CHD5: variants seen among roughly 807,000 people sequenced by gnomAD.
CHD5 encodes ATP-dependent chromatin remodeler CHD5.
In CHD5, 69 loss-of-function variants were observed where a neutral mutation model predicts 230.3. That is an observed-to-expected ratio of 0.30 (90% CI 0.25 to 0.37). The LOEUF is 0.37. Among genes scored for constraint, CHD5 ranks in the 10% least tolerant of loss-of-function variants. The probability of loss-of-function intolerance (pLI) is 1.00; values close to 1 mark genes in which losing one functional copy is unlikely to be tolerated. For synonymous variants in CHD5, 1,064 were observed against 1,065.9 expected (o/e 1.00, Z 0.03); for missense variants, 1,827 against 2,622.8 (o/e 0.70, Z 6.63).
At position 6,126,624 on chromosome 1, in the gene CHD5, G is replaced by T; in HGVS notation, c.4026C>A (p.Gly1342=). The change falls in exon 26 of 42, where the codon GGC becomes GGA. Residue 1342 remains glycine, a synonymous_variant. Transcript: ENST00000262450. This position sits in a 1 kb window ranked among gnomAD's most constrained non-coding sequence, Gnocchi z 5.7. ...AGTTGACCTGCTTGCGGATGCGCTT[G>T]CCCTTGCCCAGGTTGCGGGCCAGGT... ...QEDLARNLGK[G]KRIRKQVNYN... is the part of the protein sequence containing the mutation. 1.2e-6 allele frequency: 2 copies of T among 1,613,932 alleles called. No individual in the cohort carries two copies. Among genetic ancestry groups the T allele is most frequent in the African/African-American group, 1.3e-5 (1 of 75,044 alleles).
intron 33 of CHD5, among the ~76,000 whole-genome samples, chr1:6,114,507 A>AC: frequency 6.6e-6 from 1 of 150,514 alleles, no homozygotes; most frequent in East Asian, 2.0e-4. Flanking sequence ...TATACACATA[A>AC]ACACACACAC....
Position 6,128,926 on chromosome 1 carries a change from G to C in CHD5, c.3531C>G (p.Leu1177=), listed in dbSNP as rs149692705. 1 of 1,613,318 alleles carries C rather than the reference G, an allele frequency of 6.2e-7. No homozygotes were observed. Among genetic ancestry groups the C allele is most frequent in the Non-Finnish European group, 8.5e-7 (1 of 1,180,012 alleles). The change falls in exon 23 of 42, where the codon CTC becomes CTG. Residue 1177 remains leucine, a synonymous_variant. Coordinates refer to ENST00000262450, the MANE Select transcript of CHD5 (RefSeq NM_015557.3). The surrounding 1 kb of genome is among the most constrained non-coding windows in gnomAD (Gnocchi z 7.8). The stretch of plus-strand genomic sequence containing the variant: ...TGGTCATGGACCCCGACTTGGAGCC[G>C]AGGCCGGGCCGCACCACCAGGTGGG... ...MLTHLVVRPG[L]GSKSGSMTKQ... is the part of the protein sequence containing the mutation.
At chr1:6,175,218 T>C (rs1571177056) in intron 1 of CHD5, among the ~76,000 whole-genome samples, 1 of 120,188 alleles carries the variant, frequency 8.3e-6, no homozygotes, top group Non-Finnish European at 1.7e-5. Context: ...TGGATGGTGG[T>C]TGGATGCGTG....
Position 6,168,138 on chromosome 1 carries a change from G to A in CHD5, c.207+12C>T, listed in dbSNP as rs1421138283. 3 of 1,593,674 alleles carry A rather than the reference G, an allele frequency of 1.9e-6. No homozygotes were observed. Among genetic ancestry groups the A allele is most frequent in the Admixed American group, 1.7e-5 (1 of 59,238 alleles). ...CCGCCCCAAGCTCGCCGGCGCAGGT[G>A]CTGCCCCTCACCTCTTTCTTCTTCC... On this transcript the variant is annotated intron_variant, in intron 2 of 41. Transcript: ENST00000262450.
In CHD5 at chr1:6,105,607, C is replaced by T. The variant is rs1039041523; in HGVS notation, c.*47-180G>A. On this transcript the variant is annotated intron_variant, in intron 41 of 41. Transcript: ENST00000262450. This position sits in a 1 kb window ranked among gnomAD's most constrained non-coding sequence, Gnocchi z 4.8. ...AGGCCATGAGCTACACCCAGAGTGC[C>T]GAGAGCACCCAGGAAGCAGCAGTGG... Among the ~76,000 whole-genome samples the T allele has an allele frequency of 2.0e-5, 3 of 152,212 alleles. No homozygotes were observed. The highest frequency in any genetic ancestry group is 4.1e-4 in the South Asian group (2 of 4,834).
chr1:6,125,505 G>C lies in CHD5; in HGVS notation c.4260+19C>G. The C allele has an allele frequency of 1.9e-6, 3 of 1,561,614 alleles. No individual in the cohort carries two copies. Among genetic ancestry groups the C allele is most frequent in the Non-Finnish European group, 2.6e-6 (3 of 1,151,486 alleles). On this transcript the variant is annotated intron_variant, in intron 28 of 41. Transcript: ENST00000262450. The surrounding 1 kb of genome is among the most constrained non-coding windows in gnomAD (Gnocchi z 6.7). ...AGGAAGCAGGGGCAGAAAGAGATGC[G>C]GGAACAGACAGGCCCCACCTCGATG... is the stretch of plus-strand genomic sequence containing the variant.
chr1:6,133,364 G>A (rs1457778994), intron 20 of CHD5, among the ~76,000 whole-genome samples: 4 of 152,336 alleles, frequency 2.6e-5, no homozygotes, highest in Admixed American at 2.6e-4. Context: ...AGTATTCTTC[G>A]GGCTGAAGCA....
At chr1:6,160,393 G>GGAAGGGCCCCAGCCAGA (rs1221007084) in intron 2 of CHD5, among the ~76,000 whole-genome samples, 2 of 112,114 alleles carry the variant, frequency 1.8e-5, no homozygotes, top group African/African-American at 4.0e-5. Flanking sequence ...CCCTAGCCAG[G>GGAAGGGCCCCAGCCAGA]GAAGGGCCCC....
chr1:6,119,835 G>A (rs1040583259), intron 33 of CHD5, among the ~76,000 whole-genome samples: 7 of 146,452 alleles, frequency 4.8e-5, no homozygotes, highest in Non-Finnish European at 3.0e-5. Flanking sequence ...ACGTGTATAT[G>A]TATATATGTG....
Position 6,125,285 on chromosome 1 carries a change from T to C in CHD5, c.4261-52A>G. 2 of 1,186,984 alleles carry C rather than the reference T, an allele frequency of 1.7e-6. No homozygotes were observed. The highest frequency in any genetic ancestry group is 2.2e-6 in the Non-Finnish European group (2 of 896,780). 73.5% of individuals were successfully genotyped at this position (1,186,984 alleles called of 1,614,324 possible). A position where few individuals can be genotyped will look rare whatever the true frequency, so the allele number is the denominator to read the frequency against. On this transcript the variant is annotated intron_variant, in intron 28 of 41. Transcript: ENST00000262450. The surrounding 1 kb of genome is among the most constrained non-coding windows in gnomAD (Gnocchi z 6.7). ...AGCCCAGGACAGAGAGGGGTGGGGG[T>C]GGAGGATTCTGGGATGGGGGAAGAA... is the stretch of plus-strand genomic sequence containing the variant.
chr1:6,127,078 C>T (rs9434661), intron 25 of CHD5: 41,233 of 362,708 alleles, frequency 0.11, 4,271 homozygotes, highest in African/African-American at 0.32. Context: ...AGGTCATGGG[C>T]TCACCAGGTC....
At position 6,117,267 on chromosome 1, in the gene CHD5, T is replaced by C. The variant is rs547702063; in HGVS notation, c.4912+3838A>G. On this transcript the variant is annotated intron_variant, in intron 33 of 41. Transcript: ENST00000262450. ...GAGATTAAACTTGCCAGCTAAAAGA[T>C]AGGGACCCTATAATTAGATTTTAAA... Among the ~76,000 whole-genome samples the C allele has an allele frequency of 8.5e-5, 13 of 152,302 alleles. No homozygotes were observed. The South Asian group carries it at 2.7e-3, about 32-fold the overall frequency.
Position 6,152,506 on chromosome 1 carries a change from G to C in CHD5, c.776C>G (p.Ser259Cys), listed in dbSNP as rs140726881. 1.2e-3 allele frequency: 1,931 copies of C among 1,614,024 alleles called. 3 individuals are homozygous for C. Among genetic ancestry groups the C allele is most frequent in the Non-Finnish European group, 1.5e-3 (1,734 of 1,180,024 alleles). The change falls in exon 6 of 42, where the codon TCC becomes TGC. Residue 259 changes from serine to cysteine, a missense_variant. Physicochemically the swap from Ser to Cys is moderately radical, Grantham distance 112. Around this residue, in one of 14 missense-constraint regions of CHD5, gnomAD observed 657 missense variants for 816.4 expected, o/e 0.80. Coordinates refer to ENST00000262450, the MANE Select transcript of CHD5 (RefSeq NM_015557.3). Reference sequence around the variant, plus strand: ...TTTGCCCTTTTTCTTCCCATCTTTGGAGCCTTTGATCTTCTTCCTCACTCC... The same window carrying C: ...TTTGCCCTTTTTCTTCCCATCTTTGCAGCCTTTGATCTTCTTCCTCACTCC... ...GPGVRKKIKGSKDGKKKGKGK... is the reference protein window; with the variant it reads ...GPGVRKKIKGCKDGKKKGKGK...
intron 15 of CHD5, among the ~76,000 whole-genome samples, chr1:6,138,674 A>G (rs1020136751): frequency 6.6e-6 from 1 of 152,248 alleles, no homozygotes; most frequent in African/African-American, 2.4e-5. Flanking sequence ...TAGGTGAAGA[A>G]TGCTATGAGA....
intron 15 of CHD5, among the ~76,000 whole-genome samples, chr1:6,139,488 C>T (rs1421779410): frequency 6.6e-6 from 1 of 151,692 alleles, no homozygotes; most frequent in Admixed American, 6.6e-5. Context: ...CCACCCGCCT[C>T]GGCCTCCCAA....
Position 6,113,334 on chromosome 1 carries a change from G to T in CHD5, c.4913-336C>A, listed in dbSNP as rs943369755. 1.1e-5 allele frequency: 5 copies of T among 445,880 alleles called. No homozygotes were observed. In the Admixed American group the frequency reaches 1.3e-4, roughly 12 times the overall value. The allele number at this position is 445,880 out of a possible 1,614,324, so 27.6% of individuals were successfully genotyped here. On this transcript the variant is annotated intron_variant, in intron 33 of 41. Transcript: ENST00000262450. Reference sequence around the variant, plus strand: ...ACCTGTTCAGGAAGCTGAGGTGGGAGGGTCGCTTGAGCCGAGGAGATAAAG... The same window carrying T: ...ACCTGTTCAGGAAGCTGAGGTGGGATGGTCGCTTGAGCCGAGGAGATAAAG...
Position 6,180,049 on chromosome 1 carries a change from G to T in CHD5, c.-26C>A. 8.0e-7 allele frequency: 1 copy of T among 1,248,688 alleles called. No homozygotes were observed. 77.4% of individuals were successfully genotyped at this position (1,248,688 alleles called of 1,614,324 possible). A position where few individuals can be genotyped will look rare whatever the true frequency, so the allele number is the denominator to read the frequency against. On this transcript the variant is annotated 5_prime_UTR_variant, in exon 1 of 42. Transcript: ENST00000262450. ...GCCCGGCGCGGGGAGGAGGGGAGGT[G>T]GGCGCCCCCCCTCCCGCCGGGCGCG...
rs768085362 is a variant in CHD5, at chr1:6,125,878, G to A, written c.4079-20C>T. 1.3e-6 allele frequency: 2 copies of A among 1,588,078 alleles called. No individual in the cohort carries two copies. The highest frequency in any genetic ancestry group is 1.3e-5 in the African/African-American group (1 of 74,530). On this transcript the variant is annotated intron_variant, in intron 26 of 41. Coordinates refer to ENST00000262450, the MANE Select transcript of CHD5 (RefSeq NM_015557.3). The surrounding 1 kb of genome is among the most constrained non-coding windows in gnomAD (Gnocchi z 6.7). ...GCCACTCTGCAGGGGGCCAGACAGA[G>A]GGGCACGGAGTGAGCTGTACAAGCA... is the stretch of plus-strand genomic sequence containing the variant.
intron 9 of CHD5, among the ~76,000 whole-genome samples, 183 bp downstream of exon 9, chr1:6,148,671 C>A (rs1666948462): frequency 6.6e-6 from 1 of 152,108 alleles, no homozygotes; most frequent in South Asian, 2.1e-4. Flanking sequence ...GAGAAGGGCG[C>A]GAGGAAGCTA....
Sources: allele counts gnomAD v4.1 joint callset (sites outside exome capture counted in the v4.1 genomes callset), GRCh38; gene constraint gnomAD v4.1.1; regional missense constraint gnomAD v4.1.1; non-coding constraint Gnocchi (gnomAD v3.1); transcripts MANE v1.5; gene names NCBI Gene and HGNC (gene_info 2026-07-23, HGNC 2026-07-21).